The following MCU variants were observed in gnomAD, a reference collection of about 807,000 sequenced individuals.
The protein encoded by MCU is calcium uniporter protein, mitochondrial.
Under a neutral mutation model 45.2 loss-of-function variants are expected in MCU, and 12 were observed. The ratio of observed to expected loss-of-function variants is 0.27; its 90% CI spans 0.17 to 0.43. The LOEUF (loss-of-function observed/expected upper bound fraction) is 0.43. Among genes scored for constraint, MCU ranks in the 20% least tolerant of loss-of-function variants. The pLI is 1.00. For synonymous variants in MCU, 160 were observed against 165.1 expected (o/e 0.97, Z 0.24); for missense variants, 324 against 436.7 (o/e 0.74, Z 2.30).
chr10:72,833,249 ATTAG>A (rs1844905996), intron 1 of MCU, among the ~76,000 whole-genome samples: 1 of 152,340 alleles, frequency 6.6e-6, no homozygotes, highest in East Asian at 1.9e-4. Flanking sequence ...TTAGAGGGAA[ATTAG>A]TTAGATTTCT....
chr10:72,848,776 A>T (rs1010044772), intron 2 of MCU, among the ~76,000 whole-genome samples: 1 of 151,994 alleles, frequency 6.6e-6, no homozygotes, highest in Non-Finnish European at 1.5e-5. Context: ...GTATAAATGG[A>T]TGGAAATGGT....
At chr10:72,698,540 T>A (rs1842717444) in intron 1 of MCU, among the ~76,000 whole-genome samples, 1 of 152,244 alleles carries the variant, frequency 6.6e-6, no homozygotes, top group South Asian at 2.1e-4. Context: ...AGTCTTACTC[T>A]GTCGCCCAGG....
At chr10:72,787,362 G>A (rs1238402633) in intron 1 of MCU, among the ~76,000 whole-genome samples, 3 of 151,890 alleles carry the variant, frequency 2.0e-5, no homozygotes, top group Non-Finnish European at 4.4e-5. Flanking sequence ...TCCGCCTCCC[G>A]GCTTCAAGCA....
intron 1 of MCU, among the ~76,000 whole-genome samples, chr10:72,711,970 C>T (rs938621469): frequency 2.6e-5 from 4 of 151,170 alleles, no homozygotes; most frequent in African/African-American, 9.7e-5. Context: ...CCTTGGCCCC[C>T]CAAAGTGTTG....
rs545926078 is a variant in MCU, at chr10:72,847,693, T to C, written c.221-11484T>C. On this transcript the variant is annotated intron_variant, in intron 2 of 7. Transcript: ENST00000373053. ...ATTACAACAAAGGGGCATAAACTAA[T>C]CTTTTATTATCTCTCATGTTTCTGT... 7.2e-5 allele frequency among the ~76,000 whole-genome samples: 11 copies of C among 152,290 alleles called. 1 individual carries two copies. In the South Asian group the frequency reaches 2.3e-3, roughly 32 times the overall value.
intron 1 of MCU, among the ~76,000 whole-genome samples, chr10:72,801,512 C>T (rs1029989371): frequency 6.6e-5 from 10 of 151,044 alleles, no homozygotes; most frequent in African/African-American, 2.4e-4. Flanking sequence ...TCACATAAAC[C>T]CTACTTCTGC....
At chr10:72,868,551 CAAA>C (rs77707370) in intron 4 of MCU, 149 bp from the exon 5 acceptor site, 4,926 of 481,320 alleles carry the variant, frequency 0.01, no homozygotes, top group Middle Eastern at 0.018. Context: ...GACTTTGTCT[CAAA>C]AAAAAAAAAA....
chr10:72,740,523 C>G (rs868195760), intron 1 of MCU, among the ~76,000 whole-genome samples: 1 of 152,122 alleles, frequency 6.6e-6, no homozygotes, highest in Non-Finnish European at 1.5e-5. Flanking sequence ...TTTCCAAAAT[C>G]AAACTTATTT....
rs193277454 is a variant in MCU at position 72,710,532 on chromosome 10, C to T, written c.150+18231C>T. Among the ~76,000 whole-genome samples the T allele has an allele frequency of 3.0e-3, 429 of 143,074 alleles. 2 individuals carry two copies. Among genetic ancestry groups the T allele is most frequent in the African/African-American group, 0.01 (401 of 38,530 alleles). 93.9% of individuals were successfully genotyped at this position (143,074 alleles called of 152,430 possible). A position where few individuals can be genotyped will look rare whatever the true frequency, so the allele number is the denominator to read the frequency against. Reference sequence around the variant, plus strand: ...AGGAGCTCACTTGGAAAGGCCATTCCATCACCTAAGGTTTTTTTTTTTTTT... The same window carrying T: ...AGGAGCTCACTTGGAAAGGCCATTCTATCACCTAAGGTTTTTTTTTTTTTT... On this transcript the variant is annotated intron_variant, in intron 1 of 7. Transcript: ENST00000373053.
At chr10:72,746,854 A>C (rs1287241401) in intron 1 of MCU, among the ~76,000 whole-genome samples, 2 of 152,188 alleles carry the variant, frequency 1.3e-5, no homozygotes, top group African/African-American at 4.8e-5. Flanking sequence ...GGAGGTGACT[A>C]ATTTATGATC....
intron 1 of MCU, among the ~76,000 whole-genome samples, chr10:72,819,480 C>T (rs1239789759): frequency 6.6e-6 from 1 of 152,156 alleles, no homozygotes; most frequent in African/African-American, 2.4e-5. Flanking sequence ...TGGATAGCAG[C>T]ATTCTTATTA....
At chr10:72,713,060 G>C (rs911640201) in intron 1 of MCU, among the ~76,000 whole-genome samples, 5 of 152,178 alleles carry the variant, frequency 3.3e-5, no homozygotes, top group African/African-American at 1.2e-4. Flanking sequence ...GGCCAGATAT[G>C]CTATTAACAG....
At chr10:72,860,706 G>A (rs1344957335) in intron 4 of MCU, among the ~76,000 whole-genome samples, 179 bp downstream of exon 4, 1 of 152,186 alleles carries the variant, frequency 6.6e-6, no homozygotes, top group Non-Finnish European at 1.5e-5. Flanking sequence ...CACTTGGCTA[G>A]TACGTCGACA....
At chr10:72,745,616 T>C (rs375084595) in intron 1 of MCU, among the ~76,000 whole-genome samples, 1 of 152,370 alleles carries the variant, frequency 6.6e-6, no homozygotes, top group East Asian at 1.9e-4. Context: ...TTTCTCATAG[T>C]ACAATGTTTT....
chr10:72,763,639 A>G (rs1209922855), intron 1 of MCU, among the ~76,000 whole-genome samples: 4 of 152,162 alleles, frequency 2.6e-5, no homozygotes, highest in Admixed American at 2.0e-4. Flanking sequence ...GCTTCAGTTT[A>G]TCCTGTAGAC....
At chr10:72,737,901 T>G (rs1444963616) in intron 1 of MCU, among the ~76,000 whole-genome samples, 1 of 152,184 alleles carries the variant, frequency 6.6e-6, no homozygotes, top group Non-Finnish European at 1.5e-5. Flanking sequence ...AAGCTGTTTC[T>G]TATATTCCTA....
intron 1 of MCU, among the ~76,000 whole-genome samples, chr10:72,821,252 G>A (rs1321018937): frequency 6.7e-6 from 1 of 148,298 alleles, no homozygotes; most frequent in Non-Finnish European, 1.5e-5. Flanking sequence ...TAAAACTTTT[G>A]GTCTTCAAGG....
chr10:72,842,650 C>T (rs1304301272), intron 2 of MCU, among the ~76,000 whole-genome samples: 3 of 151,912 alleles, frequency 2.0e-5, no homozygotes, highest in African/African-American at 7.3e-5. Context: ...CATTTATTTT[C>T]TGTTTAATTT....
intron 2 of MCU, among the ~76,000 whole-genome samples, chr10:72,845,490 G>C (rs755988583): frequency 6.6e-6 from 1 of 152,170 alleles, no homozygotes; most frequent in African/African-American, 2.4e-5. Context: ...TCCCAAAAGA[G>C]TATAATACTG....
Sources: gnomAD v4.1 joint callset for allele counts (sites outside exome capture counted in the v4.1 genomes callset) on GRCh38, gnomAD v4.1.1 for gene constraint, MANE v1.5 for transcripts, NCBI Gene and HGNC (gene_info 2026-07-23, HGNC 2026-07-21) for gene names.